Variants in CNTNAP2 observed in about 807,000 individuals in gnomAD.
CNTNAP2 encodes contactin associated protein 2, also known as contactin-associated protein-like 2.
In CNTNAP2, 98 loss-of-function variants were observed where a neutral mutation model predicts 155.2. The ratio of observed to expected loss-of-function variants is 0.63; its 90% confidence interval spans 0.54 to 0.75. The LOEUF is 0.75. Ranked by LOEUF, CNTNAP2 falls within the 30% of genes least tolerant of loss-of-function variation. The pLI, the probability that CNTNAP2 is intolerant of heterozygous loss-of-function variation, is 0.00. For synonymous variants in CNTNAP2, 651 were observed against 631.2 expected (o/e 1.03, Z -0.47); for missense variants, 1,727 against 1,688.1 (o/e 1.02, Z -0.40).
intron 13 of CNTNAP2, among the ~76,000 whole-genome samples, chr7:147,794,165 C>T (rs1797858434): frequency 6.6e-6 from 1 of 151,776 alleles, no homozygotes; most frequent in East Asian, 1.9e-4. Context: ...GCCTAATTGC[C>T]ATGACTAGAA....
intron 14 of CNTNAP2, among the ~76,000 whole-genome samples, chr7:147,949,301 C>T (rs1336353523): frequency 6.6e-6 from 1 of 151,820 alleles, no homozygotes; most frequent in Non-Finnish European, 1.5e-5. Context: ...CTTCATCCTT[C>T]CTGTCTTCAC....
rs552038922 is a variant in CNTNAP2, at chr7:147,173,110, A to T, written c.1348+40601A>T. ...TAGATCTTCTCAAAAAGAAAGAACC[A>T]TACCTGAAGAAATAAATGTGTCTTG... On this transcript the variant is annotated intron_variant, in intron 8 of 23. Transcript: ENST00000361727. Among the ~76,000 whole-genome samples, 5 of 152,332 alleles carry T rather than the reference A, an allele frequency of 3.3e-5. No individual in the cohort carries two copies. The East Asian group carries it at 7.7e-4, about 23-fold the overall frequency.
At chr7:147,451,156 G>C (rs996805678) in intron 10 of CNTNAP2, among the ~76,000 whole-genome samples, 2 of 152,054 alleles carry the variant, frequency 1.3e-5, no homozygotes, top group Non-Finnish European at 2.9e-5. Flanking sequence ...AAACTACTCT[G>C]GATTAATGTC....
chr7:147,462,756 A>G (rs1798046296), intron 10 of CNTNAP2, among the ~76,000 whole-genome samples: 1 of 152,156 alleles, frequency 6.6e-6, no homozygotes, highest in Non-Finnish European at 1.5e-5. Context: ...AATATTGTGT[A>G]ATCAATGGGA....
At chr7:146,826,521 C>G (rs571024681) in intron 2 of CNTNAP2, among the ~76,000 whole-genome samples, 49 of 152,204 alleles carry the variant, frequency 3.2e-4, no homozygotes, top group African/African-American at 1.2e-3. Context: ...TTATTCCCAG[C>G]TCATCAGAAT....
intron 1 of CNTNAP2, among the ~76,000 whole-genome samples, chr7:146,444,122 T>C (rs1796367182): frequency 6.6e-6 from 1 of 152,078 alleles, no homozygotes; most frequent in African/African-American, 2.4e-5. Context: ...AACCTCCGCC[T>C]CCTGGGTTCA....
At chr7:147,076,012 T>C (rs540618810) in intron 4 of CNTNAP2, among the ~76,000 whole-genome samples, 6 of 152,352 alleles carry the variant, frequency 3.9e-5, no homozygotes, top group Admixed American at 1.3e-4. Context: ...ATGCCACATT[T>C]TCTTAATCCA....
chr7:147,733,887 A>G (rs371415703), intron 13 of CNTNAP2, among the ~76,000 whole-genome samples: 5 of 152,124 alleles, frequency 3.3e-5, no homozygotes, highest in African/African-American at 1.2e-4. Context: ...CTTTGCTGAA[A>G]TTGCTTATCA....
intron 8 of CNTNAP2, among the ~76,000 whole-genome samples, chr7:147,231,852 AAT>A (rs1803687950): frequency 6.6e-6 from 1 of 152,178 alleles, no homozygotes; most frequent in South Asian, 2.1e-4. Flanking sequence ...AAGGTTTGCA[AAT>A]ATTTTCTTCC....
chr7:146,571,624 C>A (rs892240985), intron 1 of CNTNAP2, among the ~76,000 whole-genome samples: 1 of 152,076 alleles, frequency 6.6e-6, no homozygotes, highest in Non-Finnish European at 1.5e-5. Context: ...AATTTTGAAA[C>A]AAAACAAAGA....
chr7:147,362,008 C>T lies in CNTNAP2; in HGVS notation c.1499-33601C>T, dbSNP rs114040810. ...GACTGGGAAAGGTGAAGGATGCATT[C>T]GGCTGGAACAGTGGGCCTGAGCCCT... On this transcript the variant is annotated intron_variant, in intron 9 of 23. Coordinates refer to ENST00000361727, the MANE Select transcript of CNTNAP2 (RefSeq NM_014141.6). Among the ~76,000 whole-genome samples the T allele has an allele frequency of 5.6e-3, 857 of 152,234 alleles. 5 individuals are homozygous for T. Among genetic ancestry groups the T allele is most frequent in the African/African-American group, 0.02 (818 of 41,546 alleles).
chr7:148,216,898 G>C (rs1217131794), intron 18 of CNTNAP2, among the ~76,000 whole-genome samples: 1 of 152,022 alleles, frequency 6.6e-6, no homozygotes, highest in Non-Finnish European at 1.5e-5. Flanking sequence ...TTATAAATGG[G>C]AGTTCCCCTG....
chr7:146,721,586 A>C (rs1235536608), intron 1 of CNTNAP2, among the ~76,000 whole-genome samples: 2 of 83,122 alleles, frequency 2.4e-5, no homozygotes, highest in African/African-American at 1.1e-4. Context: ...TATACATTCT[A>C]TATATATATT....
At chr7:146,229,008 G>A (rs1329288047) in intron 1 of CNTNAP2, among the ~76,000 whole-genome samples, 1 of 152,010 alleles carries the variant, frequency 6.6e-6, no homozygotes, top group South Asian at 2.1e-4. Context: ...CTATCTATTA[G>A]ATCACTGAAC....
chr7:147,318,682 G>T (rs1795283490), intron 9 of CNTNAP2, among the ~76,000 whole-genome samples: 1 of 151,888 alleles, frequency 6.6e-6, no homozygotes, highest in Non-Finnish European at 1.5e-5. Context: ...GGGGCAAGGG[G>T]AGGGAGAGCA....
At chr7:147,136,234 C>A (rs899123143) in intron 8 of CNTNAP2, among the ~76,000 whole-genome samples, 2 of 151,916 alleles carry the variant, frequency 1.3e-5, no homozygotes, top group East Asian at 1.9e-4. Flanking sequence ...AAATTAACTT[C>A]TCTCCATGTA....
chr7:147,734,351 T>C (rs1796799664), intron 13 of CNTNAP2, among the ~76,000 whole-genome samples: 1 of 152,208 alleles, frequency 6.6e-6, no homozygotes, highest in African/African-American at 2.4e-5. Context: ...CAGCCTTGCA[T>C]CCCAGGGATG....
chr7:147,616,328 A>C (rs1006437675), intron 12 of CNTNAP2, among the ~76,000 whole-genome samples: 1 of 152,146 alleles, frequency 6.6e-6, no homozygotes, highest in Non-Finnish European at 1.5e-5. Flanking sequence ...CACAATTACA[A>C]CTAAAAGCAT....
intron 1 of CNTNAP2, among the ~76,000 whole-genome samples, chr7:146,739,365 A>C (rs982865727): frequency 3.3e-5 from 5 of 151,906 alleles, no homozygotes; most frequent in African/African-American, 1.2e-4. Flanking sequence ...CACTGGTCTC[A>C]AGAAATTTTT....
Sources: allele counts gnomAD v4.1 joint callset (sites outside exome capture counted in the v4.1 genomes callset), GRCh38; gene constraint gnomAD v4.1.1; transcripts MANE v1.5; gene names NCBI Gene and HGNC (gene_info 2026-07-23, HGNC 2026-07-21).